The following SHOC1 variants were observed in gnomAD, a reference collection of about 807,000 sequenced individuals.
SHOC1 encodes the protein protein shortage in chiasmata 1 ortholog.
Under a neutral mutation model 179.2 loss-of-function variants are expected in SHOC1, and 136 were observed. That is an observed-to-expected ratio of 0.76 (90% CI 0.66 to 0.87). SHOC1 has a LOEUF of 0.87. Among genes scored for constraint, SHOC1 ranks in the 40% least tolerant of loss-of-function variants. The pLI is 0.00. For missense variants in SHOC1, 1,538 were observed against 1,700.8 expected, an observed-to-expected ratio of 0.90 and a Z score of 1.68; for synonymous variants, 489 against 586.6, an observed-to-expected ratio of 0.83 and a Z score of 2.41.
intron 14 of SHOC1, among the ~76,000 whole-genome samples, chr9:111,722,870 C>T (rs1833129080): frequency 6.6e-6 from 1 of 152,084 alleles, no homozygotes; most frequent in South Asian, 2.1e-4. Context: ...GGCGCCATCT[C>T]GGCTCACTGC....
At chr9:111,740,007 A>G (rs1833964997) in intron 11 of SHOC1, among the ~76,000 whole-genome samples, 1 of 152,212 alleles carries the variant, frequency 6.6e-6, no homozygotes, top group African/African-American at 2.4e-5. Flanking sequence ...ACTATTTTTA[A>G]AAGTATATAG....
intron 12 of SHOC1, among the ~76,000 whole-genome samples, chr9:111,734,875 G>A (rs1833747180): frequency 6.6e-6 from 1 of 152,018 alleles, no homozygotes; most frequent in Non-Finnish European, 1.5e-5. Context: ...TTGTTACCTG[G>A]GTATATTGCA....
chr9:111,696,939 T>C (rs944567448), intron 24 of SHOC1, among the ~76,000 whole-genome samples: 5 of 152,236 alleles, frequency 3.3e-5, no homozygotes, highest in African/African-American at 1.2e-4. Flanking sequence ...AGATCATTTG[T>C]TGATTTTCTT....
intron 18 of SHOC1, among the ~76,000 whole-genome samples, chr9:111,711,054 T>C (rs763390893): frequency 1.3e-5 from 2 of 152,024 alleles, no homozygotes; most frequent in Non-Finnish European, 2.9e-5. Flanking sequence ...GGCTAGGAAA[T>C]AACTGATGGA....
intron 4 of SHOC1, 116 bp from the exon 5 acceptor site, chr9:111,776,091 G>T: frequency 4.2e-6 from 3 of 713,300 alleles, no homozygotes; most frequent in Non-Finnish European, 6.9e-6. Flanking sequence ...ACACAGAGAA[G>T]AAACATCTAT....
chr9:111,746,490 G>A, intron 9 of SHOC1, 148 bp from the exon 10 acceptor site: 1 of 504,212 alleles, frequency 2.0e-6, no homozygotes, highest in Non-Finnish European at 3.6e-6. Flanking sequence ...GGGCAACATG[G>A]CAAGATCAGT....
chr9:111,733,857 CAA>C (rs35324199), intron 12 of SHOC1, among the ~76,000 whole-genome samples: 15 of 132,268 alleles, frequency 1.1e-4, no homozygotes, highest in South Asian at 2.4e-4. Flanking sequence ...GACTCTGTCT[CAA>C]AAAAAAAAAA....
intron 5 of SHOC1, among the ~76,000 whole-genome samples, chr9:111,764,876 C>T (rs1280217652): frequency 6.6e-6 from 1 of 152,146 alleles, no homozygotes; most frequent in Non-Finnish European, 1.5e-5. Flanking sequence ...CACGGTGGCT[C>T]ACGCCTGTAA....
intron 27 of SHOC1, 69 bp from the exon 28 acceptor site, chr9:111,686,939 C>CTT (rs10537471): frequency 0.19 from 96,575 of 515,032 alleles, 5,000 homozygotes; most frequent in East Asian, 0.29. Flanking sequence ...TTTTCTTTTC[C>CTT]TTTTTTTTTT....
chr9:111,731,523 A>G lies in SHOC1; in HGVS notation c.1418-3474T>C, dbSNP rs72750296. 3.0e-3 allele frequency among the ~76,000 whole-genome samples: 450 copies of G among 152,306 alleles called. 2 individuals are homozygous for G. Among genetic ancestry groups the G allele is most frequent in the South Asian group, 0.022 (106 of 4,820 alleles). On this transcript the variant is annotated intron_variant, in intron 12 of 27. Coordinates refer to ENST00000682961, the MANE Select transcript of SHOC1 (RefSeq NM_001378211.1). ...AGATAAGGGAACAGCTGGTTAGTGG[A>G]GCAGTCAGAACACACACATTTATCA...
intron 8 of SHOC1, among the ~76,000 whole-genome samples, chr9:111,754,411 G>C (rs4978460): frequency 1.1e-4 from 17 of 152,002 alleles, no homozygotes; most frequent in African/African-American, 3.9e-4. Flanking sequence ...ACCACAATGA[G>C]ATATCACTTC....
At position 111,780,960 on chromosome 9, in the gene SHOC1, G is replaced by A; in HGVS notation, c.227C>T (p.Ala76Val). The A allele has an allele frequency of 1.2e-6, 2 of 1,613,276 alleles. No homozygotes were observed. Among genetic ancestry groups the A allele is most frequent in the South Asian group, 1.1e-5 (1 of 90,978 alleles). The change falls in exon 4 of 28, where the codon GCA becomes GTA. Residue 76 changes from alanine to valine, a missense_variant. Transcript: ENST00000682961. ...TDTSVLDQWK[A>V]SFFVEDFLEK... ...AAGGAAATCCTCCACAAAGAAACTT[G>A]CTTTCCATTGGTCCAAGACTGAGGT...
chr9:111,760,714 T>C (rs10981057), intron 5 of SHOC1, among the ~76,000 whole-genome samples: 28,559 of 151,612 alleles, frequency 0.19, 2,895 homozygotes, highest in Non-Finnish European at 0.22. Flanking sequence ...AACATAAAAA[T>C]ATTCAGAAAG....
At chr9:111,686,939 CT>C (rs10537471) in intron 27 of SHOC1, 69 bp from the exon 28 acceptor site, 176,162 of 517,734 alleles carry the variant, frequency 0.34, 7,260 homozygotes, top group South Asian at 0.4. Flanking sequence ...TTTTCTTTTC[CT>C]TTTTTTTTTT....
At chr9:111,790,093 G>A (rs1362772777) in intron 2 of SHOC1, among the ~76,000 whole-genome samples, 1 of 152,172 alleles carries the variant, frequency 6.6e-6, no homozygotes, top group Non-Finnish European at 1.5e-5. Flanking sequence ...GTCTGGGCTT[G>A]AAATTTAGCT....
intron 12 of SHOC1, among the ~76,000 whole-genome samples, chr9:111,734,753 A>G (rs537131132): frequency 2.3e-4 from 35 of 152,324 alleles, no homozygotes; most frequent in African/African-American, 8.4e-4. Context: ...TATTTATCCC[A>G]AGGAGCACTT....
Position 111,706,671 on chromosome 9 carries a change from C to T in SHOC1, c.2634G>A (p.Val878=). ...AAGAGTCTTCCACATAATTGTATTC[C>T]ACCACAAATGAGAAATTACTCCAGG... ...DFPWSNFSFV[V]EYNYVEDSCW... Residue 878 remains valine (V), a synonymous_variant, in exon 20 of 28, where the codon GTG becomes GTA. Coordinates refer to ENST00000682961, the MANE Select transcript of SHOC1 (RefSeq NM_001378211.1). 2 of 1,608,726 alleles carry T rather than the reference C, an allele frequency of 1.2e-6. No individual in the cohort carries two copies. Among genetic ancestry groups the T allele is most frequent in the Non-Finnish European group, 1.7e-6 (2 of 1,176,654 alleles).
intron 5 of SHOC1, among the ~76,000 whole-genome samples, chr9:111,763,843 G>A (rs576978335): frequency 4.6e-5 from 7 of 152,296 alleles, no homozygotes; most frequent in South Asian, 4.1e-4. Context: ...TGATGCTTCA[G>A]TGTATTAAGA....
chr9:111,767,679 G>C (rs543226508), intron 5 of SHOC1, among the ~76,000 whole-genome samples: 6 of 152,206 alleles, frequency 3.9e-5, no homozygotes, highest in African/African-American at 1.4e-4. Context: ...GGTCTTTTGT[G>C]ATTCCATTTA....
Sources: allele counts gnomAD v4.1 joint callset (sites outside exome capture counted in the v4.1 genomes callset), GRCh38; gene constraint gnomAD v4.1.1; transcripts MANE v1.5; gene names NCBI Gene and HGNC (gene_info 2026-07-23, HGNC 2026-07-21).